Variants in SIPA1L1 observed in about 807,000 individuals in gnomAD.
SIPA1L1 encodes the protein signal induced proliferation associated 1 like 1.
A neutral mutation model predicts 162.7 loss-of-function variants in SIPA1L1; 26 were observed. The observed-to-expected ratio is 0.16, with a 90% confidence interval of 0.12 to 0.22. SIPA1L1 has a LOEUF of 0.22. Ranked by LOEUF, SIPA1L1 falls within the 10% of genes least tolerant of loss-of-function variation. SIPA1L1 has a pLI of 1.00. For missense variants in SIPA1L1, 1,874 were observed against 2,241.0 expected, an observed-to-expected ratio of 0.84 and a Z score of 3.31; for synonymous variants, 829 against 837.4, an observed-to-expected ratio of 0.99 and a Z score of 0.17.
intron 16 of SIPA1L1, among the ~76,000 whole-genome samples, chr14:71,708,327 T>TC (rs1234988998): frequency 1.3e-5 from 2 of 151,182 alleles, no homozygotes; most frequent in Non-Finnish European, 3.0e-5. Context: ...TCTTTCTTTT[T>TC]TTTTTTTTTT....
chr14:71,349,928 G>A (rs1210208377), intron 2 of SIPA1L1, among the ~76,000 whole-genome samples: 2 of 152,174 alleles, frequency 1.3e-5, no homozygotes, highest in East Asian at 3.9e-4. Flanking sequence ...GTGACACTGG[G>A]GAGGATGTGG....
chr14:71,623,911 C>G (rs2039706004), intron 6 of SIPA1L1, 137 bp from the exon 7 acceptor site: 3 of 628,258 alleles, frequency 4.8e-6, no homozygotes, highest in Admixed American at 5.5e-5. Context: ...CATTCTTTCT[C>G]CCTCACTGGC....
chr14:71,457,606 T>A (rs1486057293), intron 2 of SIPA1L1, among the ~76,000 whole-genome samples: 1 of 150,354 alleles, frequency 6.7e-6, no homozygotes, highest in Non-Finnish European at 1.5e-5. Flanking sequence ...CGACATTTTT[T>A]TTTTTAGACG....
At chr14:71,475,294 A>G (rs942236592) in intron 2 of SIPA1L1, among the ~76,000 whole-genome samples, 8 of 152,234 alleles carry the variant, frequency 5.3e-5, no homozygotes, top group African/African-American at 1.2e-4. Context: ...GTTCTCCAGC[A>G]AGCTAAACAC....
intron 3 of SIPA1L1, among the ~76,000 whole-genome samples, chr14:71,521,382 G>A (rs141385781): frequency 2.3e-3 from 357 of 152,284 alleles, no homozygotes; most frequent in Non-Finnish European, 3.8e-3. Flanking sequence ...GGAGTATGAG[G>A]CAGTGGTAAT....
At chr14:71,454,898 G>A (rs991249916) in intron 2 of SIPA1L1, among the ~76,000 whole-genome samples, 1 of 152,178 alleles carries the variant, frequency 6.6e-6, no homozygotes, top group Non-Finnish European at 1.5e-5. Flanking sequence ...TGGAGGTTCA[G>A]AATCATGTGC....
At chr14:71,738,023 T>C (rs2085454285) in intron 22 of SIPA1L1, among the ~76,000 whole-genome samples, 1 of 152,208 alleles carries the variant, frequency 6.6e-6, no homozygotes, top group Non-Finnish European at 1.5e-5. Flanking sequence ...AAGGAAGCTA[T>C]TGATTGGCTG....
intron 2 of SIPA1L1, among the ~76,000 whole-genome samples, chr14:71,474,736 G>A (rs953732595): frequency 6.6e-6 from 1 of 152,056 alleles, no homozygotes; most frequent in Non-Finnish European, 1.5e-5. Context: ...GGTATCTTCG[G>A]GCTTCACATA....
chr14:71,363,587 G>A (rs113730868), intron 2 of SIPA1L1, among the ~76,000 whole-genome samples: 1,806 of 152,226 alleles, frequency 0.012, 19 homozygotes, highest in East Asian at 0.021. Context: ...TCTTTAGGAT[G>A]CTTAATTTTC....
chr14:71,408,720 C>A (rs2042199750), intron 2 of SIPA1L1, among the ~76,000 whole-genome samples: 3 of 152,166 alleles, frequency 2.0e-5, no homozygotes, highest in African/African-American at 7.2e-5. Context: ...TTTAGAAGTA[C>A]AGTAGGAATC....
rs559723857 is a variant in SIPA1L1 at position 71,465,180 on chromosome 14, A to T, written c.-464-47563A>T. The stretch of plus-strand genomic sequence containing the variant: ...TGCAGGGTCCCATTCTTTTCCAATC[A>T]GTGCCCTGACTGTAATGGTAGACAC... On this transcript the variant is annotated intron_variant, in intron 2 of 23. Coordinates refer to ENST00000381232, the MANE Select transcript of SIPA1L1 (RefSeq NM_001386936.1). 2.0e-5 allele frequency among the ~76,000 whole-genome samples: 3 copies of T among 152,370 alleles called. No homozygotes were observed. The East Asian group carries it at 5.8e-4, about 29-fold the overall frequency.
intron 7 of SIPA1L1, among the ~76,000 whole-genome samples, chr14:71,643,624 C>T (rs2041913009): frequency 6.6e-6 from 1 of 152,182 alleles, no homozygotes; most frequent in Non-Finnish European, 1.5e-5. Flanking sequence ...CACTTGGACT[C>T]ACATATGTGC....
chr14:71,671,653 T>A lies in SIPA1L1; in HGVS notation c.2790T>A (p.Ile930=), dbSNP rs2044525933. The change falls in exon 11 of 24, where the codon ATT becomes ATA. Residue 930 remains isoleucine (I), a synonymous_variant. Coordinates refer to ENST00000381232, the MANE Select transcript of SIPA1L1 (RefSeq NM_001386936.1). The part of the protein sequence containing the change: ...RGECVSVGSF[I]NIEEIKEIVK... Reference sequence around the variant, plus strand: ...AATGTGTTTCAGTGGGTAGTTTTATTAACATTGAGGAGATCAAAGAGATTG... The same window carrying A: ...AATGTGTTTCAGTGGGTAGTTTTATAAACATTGAGGAGATCAAAGAGATTG... The A allele has an allele frequency of 6.2e-7, 1 of 1,612,580 alleles. No homozygotes were observed. Among genetic ancestry groups the A allele is most frequent in the African/African-American group, 1.3e-5 (1 of 75,000 alleles).
At chr14:71,531,282 T>C (rs562753419) in intron 4 of SIPA1L1, among the ~76,000 whole-genome samples, 4 of 152,292 alleles carry the variant, frequency 2.6e-5, no homozygotes, top group African/African-American at 9.6e-5. Context: ...TTCGCCATTA[T>C]GCCTACAAAA....
chr14:71,353,083 T>A (rs1035422696), intron 2 of SIPA1L1, among the ~76,000 whole-genome samples: 2 of 152,262 alleles, frequency 1.3e-5, no homozygotes, highest in Non-Finnish European at 2.9e-5. Context: ...TTTCACCATA[T>A]GCAAATTATA....
chr14:71,709,182 G>A (rs2082688735), intron 16 of SIPA1L1, 40 bp from the exon 17 acceptor site: 1 of 1,524,574 alleles, frequency 6.6e-7, no homozygotes, highest in Non-Finnish European at 9.0e-7. Flanking sequence ...TGTTCAGGAA[G>A]CAAAACTTTG....
At chr14:71,618,489 A>G (rs2039072974) in intron 5 of SIPA1L1, among the ~76,000 whole-genome samples, 1 of 152,206 alleles carries the variant, frequency 6.6e-6, no homozygotes, top group South Asian at 2.1e-4. Context: ...AGAAAATACA[A>G]ATTTATTTTG....
intron 2 of SIPA1L1, among the ~76,000 whole-genome samples, chr14:71,353,193 A>G (rs147780525): frequency 6.6e-6 from 1 of 152,360 alleles, no homozygotes; most frequent in East Asian, 1.9e-4. Flanking sequence ...TGTGTATTGC[A>G]CATCTGTTCT....
At chr14:71,548,802 G>T (rs547825493) in intron 4 of SIPA1L1, among the ~76,000 whole-genome samples, 34 of 149,132 alleles carry the variant, frequency 2.3e-4, no homozygotes, top group Admixed American at 6.1e-4. Context: ...GGAGGCTGAG[G>T]CACAAGAATC....
Sources: gnomAD v4.1 joint callset for allele counts (sites outside exome capture counted in the v4.1 genomes callset) on GRCh38, gnomAD v4.1.1 for gene constraint, MANE v1.5 for transcripts, NCBI Gene and HGNC (gene_info 2026-07-23, HGNC 2026-07-21) for gene names.